LRRK1: variants seen among roughly 807,000 people sequenced by gnomAD.
The protein encoded by LRRK1 is leucine-rich repeat serine/threonine-protein kinase 1.
In LRRK1, 113 loss-of-function variants were observed where a neutral mutation model predicts 209.1. That is an observed-to-expected ratio of 0.54 (90% confidence interval 0.46 to 0.63). The LOEUF (loss-of-function observed/expected upper bound fraction) is 0.63, where lower values mean the gene tolerates loss of function less well. Among genes scored for constraint, LRRK1 ranks in the 30% least tolerant of loss-of-function variants. The pLI, the probability that LRRK1 is intolerant of heterozygous loss-of-function variation, is 0.00. For synonymous variants in LRRK1, 1,144 were observed against 1,099.7 expected, an observed-to-expected ratio of 1.04 and a Z score of -0.80; for missense variants, 2,284 against 2,632.2, an observed-to-expected ratio of 0.87 and a Z score of 2.89.
At chr15:101,010,041 G>T (rs568826845) in intron 7 of LRRK1, among the ~76,000 whole-genome samples, 1 of 152,314 alleles carries the variant, frequency 6.6e-6, no homozygotes, top group East Asian at 1.9e-4. Flanking sequence ...AAGTGAGAAC[G>T]GGAAAGAAGC....
At chr15:101,039,235 A>G (rs1017706591) in intron 20 of LRRK1, among the ~76,000 whole-genome samples, 2 of 152,362 alleles carry the variant, frequency 1.3e-5, no homozygotes, top group African/African-American at 2.4e-5. Flanking sequence ...GAATCTTCCA[A>G]TATGAACATG....
chr15:100,926,991 G>C (rs1393285989), intron 2 of LRRK1, among the ~76,000 whole-genome samples: 1 of 152,134 alleles, frequency 6.6e-6, no homozygotes, highest in Non-Finnish European at 1.5e-5. Context: ...GGCCAGCATG[G>C]CTAATTTTTC....
intron 30 of LRRK1, 58 bp downstream of exon 30, chr15:101,061,346 C>G (rs2036166805): frequency 1.6e-6 from 2 of 1,234,904 alleles, no homozygotes; most frequent in Admixed American, 3.6e-5. Flanking sequence ...GGGTGCAGCC[C>G]TGGGTGGGGG....
chr15:101,011,768 A>T (rs1370672337), intron 9 of LRRK1, among the ~76,000 whole-genome samples: 1 of 152,128 alleles, frequency 6.6e-6, no homozygotes, highest in East Asian at 1.9e-4. Context: ...ATGTTCTGGA[A>T]TGAAGGAAAA....
chr15:100,948,390 G>C (rs2042582910), intron 2 of LRRK1, among the ~76,000 whole-genome samples: 1 of 152,194 alleles, frequency 6.6e-6, no homozygotes, highest in Non-Finnish European at 1.5e-5. Flanking sequence ...ATGCACGGAG[G>C]TCATGAAAGG....
At chr15:101,003,234 C>T (rs915376460) in intron 6 of LRRK1, among the ~76,000 whole-genome samples, 4 of 152,220 alleles carry the variant, frequency 2.6e-5, no homozygotes, top group Admixed American at 2.0e-4. Context: ...TGTCTATTTT[C>T]CGAGTGTCAA....
Position 101,076,643 on chromosome 15 carries a change from C to T in LRRK1, c.*7795C>T, listed in dbSNP as rs886690286. 4 of 152,328 alleles carry T rather than the reference C, an allele frequency of 2.6e-5. No individual in the cohort carries two copies. The highest frequency in any genetic ancestry group is 4.8e-5 in the African/African-American group (2 of 41,428). 9.4% of individuals were successfully genotyped at this position (152,328 alleles called of 1,614,324 possible). ...TTTCCTTTCCATCGTGGAAATCTATCCTCAAGGAAATAACTTCTCAGTGTT... is the reference window on the plus strand; with the variant it reads ...TTTCCTTTCCATCGTGGAAATCTATTCTCAAGGAAATAACTTCTCAGTGTT... On this transcript the variant is annotated 3_prime_UTR_variant, in exon 34 of 34. Coordinates refer to ENST00000388948, the MANE Select transcript of LRRK1 (RefSeq NM_024652.6).
intron 2 of LRRK1, among the ~76,000 whole-genome samples, chr15:100,971,342 A>AG (rs1455849251): frequency 6.6e-6 from 1 of 151,736 alleles, no homozygotes; most frequent in Non-Finnish European, 1.5e-5. Flanking sequence ...TCAAAAAAAA[A>AG]AAAAAAGAAA....
At chr15:100,928,843 G>T (rs1420923994) in intron 2 of LRRK1, among the ~76,000 whole-genome samples, 1 of 152,194 alleles carries the variant, frequency 6.6e-6, no homozygotes, top group Non-Finnish European at 1.5e-5. Context: ...GCTGGGGTCT[G>T]TGTGTGTCTG....
In LRRK1 at chr15:101,074,855, C is replaced by T. The variant is rs959152487; in HGVS notation, c.*6007C>T. The T allele has an allele frequency of 2.0e-5, 3 of 152,090 alleles. No individual in the cohort carries two copies. Among genetic ancestry groups the T allele is most frequent in the East Asian group, 1.9e-4 (1 of 5,138 alleles). The allele number at this position is 152,090 out of a possible 1,614,324, so 9.4% of individuals were successfully genotyped here. On this transcript the variant is annotated 3_prime_UTR_variant, in exon 34 of 34. Transcript: ENST00000388948. The stretch of plus-strand genomic sequence containing the variant: ...CACCAGGCCAAGGAATGCCTGCAGC[C>T]CAGGATTCCTCCTAAGCCGTGTCCC...
In LRRK1 at chr15:101,024,796, C is replaced by G; in HGVS notation, c.2068-7C>G. On this transcript the variant is annotated splice_polypyrimidine_tract_variant and splice_region_variant and intron_variant, in intron 15 of 33. Transcript: ENST00000388948. This position sits in a 1 kb window ranked among gnomAD's most constrained non-coding sequence, Gnocchi z 4.6. ...GCCTCCCTGTCGCTGCCTTGTTGCTCAAGTAGGTTGAGTCCGTGGAGTTCA... is the reference window on the plus strand; with the variant it reads ...GCCTCCCTGTCGCTGCCTTGTTGCTGAAGTAGGTTGAGTCCGTGGAGTTCA... The G allele has an allele frequency of 6.2e-7, 1 of 1,609,480 alleles. No individual in the cohort carries two copies. The highest frequency in any genetic ancestry group is 8.5e-7 in the Non-Finnish European group (1 of 1,176,412).
rs370159409 is a variant in LRRK1 at position 101,068,835 on chromosome 15, G to A, written c.6035G>A (p.Arg2012His). The part of the protein sequence containing the change: ...EELGRLEACT[R>H]KRR ...CTGGGCCGGCTGGAGGCTTGCACTC[G>A]CAAGAGAAGGTAATTCCTGTGGAAT... Residue 2012 changes from arginine to histidine, a missense_variant, in exon 34 of 34, where the codon CGC (arginine) becomes CAC (histidine). Physicochemically the swap from Arg to His is conservative, Grantham distance 29 (BLOSUM62 0). Around this residue, in one of 6 missense-constraint regions of LRRK1, gnomAD observed 643 missense variants for 695.9 expected, o/e 0.92. Coordinates refer to ENST00000388948, the MANE Select transcript of LRRK1 (RefSeq NM_024652.6). 3.3e-5 allele frequency: 53 copies of A among 1,601,322 alleles called. No individual in the cohort carries two copies. The highest frequency in any genetic ancestry group is 4.5e-5 in the East Asian group (2 of 44,726).
Position 100,924,546 on chromosome 15 carries a change from T to A in LRRK1, c.-87T>A. 8.7e-7 allele frequency: 1 copy of A among 1,146,614 alleles called. No homozygotes were observed. The highest frequency in any genetic ancestry group is 1.8e-5 in the Admixed American group (1 of 57,046). The allele number at this position is 1,146,614 out of a possible 1,614,324, so 71.0% of individuals were successfully genotyped here. A position where few individuals can be genotyped will look rare whatever the true frequency, so the allele number is the denominator to read the frequency against. On this transcript the variant is annotated 5_prime_UTR_variant, in exon 2 of 34. Coordinates refer to ENST00000388948, the MANE Select transcript of LRRK1 (RefSeq NM_024652.6). ...CTTTCTGCTCAGCCATGGCTACGAGTCCACGCCTTAATGCACCCCACAGCC... is the reference window on the plus strand; with the variant it reads ...CTTTCTGCTCAGCCATGGCTACGAGACCACGCCTTAATGCACCCCACAGCC...
At chr15:100,973,613 G>A (rs1288117197) in intron 2 of LRRK1, among the ~76,000 whole-genome samples, 191 bp from the exon 3 acceptor site, 2 of 152,220 alleles carry the variant, frequency 1.3e-5, no homozygotes, top group Admixed American at 1.3e-4. Context: ...TGCCTTCGCA[G>A]CGGCCCCGGT....
chr15:100,948,740 A>G (rs1370405414), intron 2 of LRRK1, among the ~76,000 whole-genome samples: 2 of 152,220 alleles, frequency 1.3e-5, no homozygotes, highest in East Asian at 3.8e-4. Context: ...AAATTCACAA[A>G]TATGTAGAAA....
rs1015865458 is a variant in LRRK1 at position 101,012,051 on chromosome 15, A to T, written c.1325A>T (p.Asp442Val). ...ASRNALECLP[D>V]KMAVFWKNHL... ...AGAAATGCCCTGGAATGTCTGCCAG[A>T]CAAAATGGCTGTCTTTTGGAAAAAT... Residue 442 changes from aspartate to valine, a missense_variant, in exon 10 of 34, where the codon GAC (aspartate) becomes GTC (valine). Coordinates refer to ENST00000388948, the MANE Select transcript of LRRK1 (RefSeq NM_024652.6). 3 of 1,611,286 alleles carry T rather than the reference A, an allele frequency of 1.9e-6. No homozygotes were observed. In the Admixed American group the frequency reaches 5.0e-5, roughly 27 times the overall value.
chr15:100,920,839 G>C (rs899558010), intron 1 of LRRK1, among the ~76,000 whole-genome samples: 1 of 151,980 alleles, frequency 6.6e-6, no homozygotes, highest in Non-Finnish European at 1.5e-5. Flanking sequence ...CAACTGGCAC[G>C]CAATCCAGGA....
chr15:101,045,876 G>C, intron 20 of LRRK1, 105 bp from the exon 21 acceptor site: 1 of 911,584 alleles, frequency 1.1e-6, no homozygotes. Flanking sequence ...GCAGCCTGAG[G>C]TGTTCCAGCA....
At chr15:100,948,762 A>G (rs371275962) in intron 2 of LRRK1, among the ~76,000 whole-genome samples, 1 of 152,322 alleles carries the variant, frequency 6.6e-6, no homozygotes, top group African/African-American at 2.4e-5. Flanking sequence ...TAAACAACAC[A>G]CTATTAAAGA....
Sources: allele counts gnomAD v4.1 joint callset (sites outside exome capture counted in the v4.1 genomes callset), GRCh38; gene constraint gnomAD v4.1.1; regional missense constraint gnomAD v4.1.1; non-coding constraint Gnocchi (gnomAD v3.1); transcripts MANE v1.5; gene names NCBI Gene and HGNC (gene_info 2026-07-23, HGNC 2026-07-21).